ASCC2: variants seen among roughly 807,000 people sequenced by gnomAD.
ASCC2 encodes ASC-1 complex subunit P100.
In ASCC2, 42 loss-of-function variants were observed where a neutral mutation model predicts 93.5. That is an observed-to-expected ratio of 0.45 (90% confidence interval 0.35 to 0.58). The LOEUF (loss-of-function observed/expected upper bound fraction) is 0.58. Ranked by LOEUF, ASCC2 falls within the 20% of genes least tolerant of loss-of-function variation. The pLI is 0.00. For synonymous variants in ASCC2, 364 were observed against 384.2 expected (o/e 0.95, Z 0.62); for missense variants, 859 against 977.6 (o/e 0.88, Z 1.62).
At chr22:29,799,863 T>C (rs1483429533) in intron 15 of ASCC2, among the ~76,000 whole-genome samples, 1 of 152,168 alleles carries the variant, frequency 6.6e-6, no homozygotes, top group East Asian at 1.9e-4. Flanking sequence ...TCACAGCTCA[T>C]TGCAGCCTTG....
At chr22:29,792,636 G>C (rs1429351420) in intron 17 of ASCC2, 101 bp from the exon 18 acceptor site, 10 of 1,487,346 alleles carry the variant, frequency 6.7e-6, no homozygotes, top group Admixed American at 2.0e-5. Context: ...GCCGCCAGGA[G>C]GGCTCAGGAG....
At chr22:29,800,883 G>T in intron 15 of ASCC2, 108 bp downstream of exon 15, 2 of 1,382,236 alleles carry the variant, frequency 1.4e-6, no homozygotes, top group East Asian at 2.4e-5. Flanking sequence ...GGATCCCTGT[G>T]CTGATACTCC....
At position 29,792,472 on chromosome 22, in the gene ASCC2, G is replaced by A. The variant is rs767621391; in HGVS notation, c.1983C>T (p.Asp661=). The A allele has an allele frequency of 5.1e-5, 83 of 1,613,810 alleles. No individual in the cohort carries two copies. Among genetic ancestry groups the A allele is most frequent in the Middle Eastern group, 4.9e-4 (3 of 6,082 alleles). The part of the protein sequence containing the change: ...KVPREGQEED[D]DDEEDDADEE... ...CGTCAGCATCGTCTTCCTCATCGTC[G>A]TCATCCTCCTCCTGCCCTTCTCTAG... Residue 661 remains aspartate, a synonymous_variant, in exon 18 of 20, where the codon GAC becomes GAT. Coordinates refer to ENST00000307790, the MANE Select transcript of ASCC2 (RefSeq NM_032204.5).
At chr22:29,790,650 C>G (rs2147310415) in intron 18 of ASCC2, 102 bp from the exon 19 acceptor site, 3 of 1,218,304 alleles carry the variant, frequency 2.5e-6, no homozygotes, top group Non-Finnish European at 3.6e-6. Context: ...TGCCTCCATG[C>G]CAGGTGTGGG....
chr22:29,837,651 T>A (rs1053547539), intron 1 of ASCC2, among the ~76,000 whole-genome samples: 4 of 152,308 alleles, frequency 2.6e-5, no homozygotes, highest in Non-Finnish European at 4.4e-5. Context: ...CTCTTTGTCA[T>A]CATTCCTCTA....
At chr22:29,817,528 C>T (rs1359312946) in intron 5 of ASCC2, among the ~76,000 whole-genome samples, 1 of 152,124 alleles carries the variant, frequency 6.6e-6, no homozygotes, top group East Asian at 1.9e-4. Context: ...GCAGGTGTCA[C>T]CTCCTCCACG....
At position 29,804,710 on chromosome 22, in the gene ASCC2, A is replaced by G. The variant is rs2059481282; in HGVS notation, c.1281T>C (p.Pro427=). The G allele has an allele frequency of 6.2e-7, 1 of 1,613,976 alleles. No homozygotes were observed. Among genetic ancestry groups the G allele is most frequent in the Non-Finnish European group, 8.5e-7 (1 of 1,179,994 alleles). The part of the protein sequence containing the change: ...PSVIEEPNGE[P]NGVTVTAEAV... ...CCTCTGCTGTCACCGTGACCCCGTT[A>G]GGCTCCCCATTAGGCTCCTCAATCA... The change falls in exon 13 of 20, where the codon CCT becomes CCC. Residue 427 remains proline (P), a synonymous_variant. Transcript: ENST00000307790.
chr22:29,812,595 A>G (rs1268107258), intron 8 of ASCC2, among the ~76,000 whole-genome samples: 1 of 152,188 alleles, frequency 6.6e-6, no homozygotes, highest in Non-Finnish European at 1.5e-5. Flanking sequence ...TGACTTACCC[A>G]AAGTGGGCTC....
chr22:29,814,091 CA>C (rs1311143987), intron 7 of ASCC2, among the ~76,000 whole-genome samples: 1 of 152,198 alleles, frequency 6.6e-6, no homozygotes, highest in Non-Finnish European at 1.5e-5. Context: ...CAGCACCTGC[CA>C]CGTGCCCTTC....
intron 17 of ASCC2, 96 bp from the exon 18 acceptor site, chr22:29,792,631 C>A (rs927180542): frequency 8.8e-6 from 13 of 1,484,048 alleles, no homozygotes; most frequent in Admixed American, 8.2e-5. Context: ...ATGGGGCCGC[C>A]AGGAGGGCTC....
intron 6 of ASCC2, 99 bp downstream of exon 6, chr22:29,815,907 T>A: frequency 1.0e-6 from 1 of 1,002,212 alleles, no homozygotes. Context: ...AATAAACATT[T>A]CCTCAGCTCC....
chr22:29,832,310 G>A lies in ASCC2; in HGVS notation c.16C>T (p.Leu6=). The A allele has an allele frequency of 1.2e-6, 2 of 1,613,972 alleles. No individual in the cohort carries two copies. Among genetic ancestry groups the A allele is most frequent in the Non-Finnish European group, 1.7e-6 (2 of 1,179,908 alleles). The change falls in exon 2 of 20, where the codon CTG becomes TTG. Residue 6 remains leucine, a synonymous_variant. Coordinates refer to ENST00000307790, the MANE Select transcript of ASCC2 (RefSeq NM_032204.5). ...TTGTGGGTGATCTGGAGTTGGTCCAGGGGCAGAGCTGGCATTGTGCTGCGT... is the reference window on the plus strand; with the variant it reads ...TTGTGGGTGATCTGGAGTTGGTCCAAGGGCAGAGCTGGCATTGTGCTGCGT... The part of the protein sequence containing the change: MPALP[L]DQLQITHKDP...
Position 29,825,668 on chromosome 22 carries a change from T to G in ASCC2, c.194A>C (p.Asp65Ala). The G allele has an allele frequency of 6.2e-7, 1 of 1,614,074 alleles. No individual in the cohort carries two copies. Among genetic ancestry groups the G allele is most frequent in the Non-Finnish European group, 8.5e-7 (1 of 1,180,004 alleles). The change falls in exon 3 of 20, where the codon GAC becomes GCC. Residue 65 changes from aspartate to alanine, a missense_variant. Physicochemically the swap from Asp to Ala is moderately radical, Grantham distance 126. Transcript: ENST00000307790. This position sits in a 1 kb window ranked among gnomAD's most constrained non-coding sequence, Gnocchi z 4.9. The part of the protein sequence containing the change: ...YLERATFVAN[D>A]LDWLLALPHD... ...AGGCAAGGCCAGGAGCCAGTCGAGG[T>G]CATTGGCTACGAAGGTGGCGCGTTC...
In ASCC2 at chr22:29,806,281, C is replaced by T; in HGVS notation, c.1095G>A (p.Arg365=). The T allele has an allele frequency of 6.2e-7, 1 of 1,614,104 alleles. No homozygotes were observed. Among genetic ancestry groups the T allele is most frequent in the Non-Finnish European group, 8.5e-7 (1 of 1,180,012 alleles). Residue 365 remains arginine (R), a synonymous_variant, in exon 12 of 20, where the codon CGG becomes CGA. Transcript: ENST00000307790. ...SSLLQEKRFL[R]DYDALFPVAE... ...CCACGGGGAAGAGTGCATCATAGTC[C>T]CGGAGGAACCTGCAGGCAGATGAGA... is the stretch of plus-strand genomic sequence containing the variant.
intron 5 of ASCC2, among the ~76,000 whole-genome samples, chr22:29,818,715 G>C (rs249398): frequency 0.43 from 64,987 of 151,666 alleles, 14,393 homozygotes; most frequent in East Asian, 0.59. Flanking sequence ...AAGTGAGTAG[G>C]CTTTCTCACT....
rs143452344 is a variant in ASCC2 at position 29,832,249 on chromosome 22, G to A, written c.77C>T (p.Ala26Val). 46 of 1,612,952 alleles carry A rather than the reference G, an allele frequency of 2.9e-5. No homozygotes were observed. The highest frequency in any genetic ancestry group is 5.0e-5 in the Admixed American group (3 of 59,986). Residue 26 changes from alanine (A) to valine (V), a missense_variant, in exon 2 of 20, where the codon GCG (alanine) becomes GTG (valine). Ala to Val is a moderately conservative substitution (Grantham distance 64, BLOSUM62 0). Transcript: ENST00000307790. ...PKTGKLRTSP[A>V]LHPEQKADRY... is the part of the protein sequence containing the mutation. ...GGCCTTAAGTGACCGGCTCACCAGCGCTGGTGAAGTCCTCAGCTTTCCTGT... is the reference window on the plus strand; with the variant it reads ...GGCCTTAAGTGACCGGCTCACCAGCACTGGTGAAGTCCTCAGCTTTCCTGT...
chr22:29,834,605 T>C, intron 1 of ASCC2: 2 of 469,946 alleles, frequency 4.3e-6, no homozygotes, highest in Non-Finnish European at 8.8e-6. Flanking sequence ...TAAGTTTTCA[T>C]CTTTCAGCTT....
intron 2 of ASCC2, among the ~76,000 whole-genome samples, chr22:29,830,575 C>CA (rs202001077): frequency 0.014 from 1 of 70 alleles, no homozygotes; most frequent in African/African-American, 0.071. Context: ...CCCACCAGGC[C>CA]AAAGCCTCCC....
chr22:29,808,466 G>A (rs1304095077), intron 8 of ASCC2, among the ~76,000 whole-genome samples: 4 of 152,128 alleles, frequency 2.6e-5, no homozygotes, highest in Admixed American at 1.3e-4. Context: ...AAGGCCACTC[G>A]GAACCCACTG....
Sources: gnomAD v4.1 joint callset for allele counts (sites outside exome capture counted in the v4.1 genomes callset) on GRCh38, gnomAD v4.1.1 for gene constraint, Gnocchi (gnomAD v3.1) non-coding constraint, MANE v1.5 for transcripts, NCBI Gene and HGNC (gene_info 2026-07-23, HGNC 2026-07-21) for gene names.